CA2: variants seen among roughly 807,000 people sequenced by gnomAD.
The protein encoded by CA2 is carbonic anhydrase 2.
A neutral mutation model predicts 27.8 loss-of-function variants in CA2; 23 were observed. The observed-to-expected ratio is 0.83, with a 90% CI of 0.59 to 1.17. The LOEUF (loss-of-function observed/expected upper bound fraction) is 1.17, where lower values mean the gene tolerates loss of function less well. Among genes scored for constraint, CA2 ranks in the 50% most tolerant of loss-of-function variants. CA2 has a pLI of 0.00. For missense variants in CA2, 300 were observed against 314.7 expected, an observed-to-expected ratio of 0.95 and a Z score of 0.35; for synonymous variants, 99 against 114.9, an observed-to-expected ratio of 0.86 and a Z score of 0.88.
At chr8:85,467,046 TG>T (rs767992408) in intron 2 of CA2, among the ~76,000 whole-genome samples, 12 of 152,210 alleles carry the variant, frequency 7.9e-5, no homozygotes, top group Non-Finnish European at 1.8e-4. Flanking sequence ...TTGTTTTCAA[TG>T]GATGTAATGT....
At chr8:85,476,303 TC>T (rs1209790053) in intron 5 of CA2, among the ~76,000 whole-genome samples, 2 of 152,236 alleles carry the variant, frequency 1.3e-5, no homozygotes, top group Non-Finnish European at 2.9e-5. Context: ...CTCTTTGCAT[TC>T]ATCCATCCTG....
At chr8:85,474,644 A>G in intron 4 of CA2, 2 of 540,482 alleles carry the variant, frequency 3.7e-6, no homozygotes, top group South Asian at 4.1e-5. Context: ...TGTAAATGTG[A>G]AGAACATAAA....
At chr8:85,466,731 C>A (rs1012608908) in intron 2 of CA2, among the ~76,000 whole-genome samples, 1 of 151,922 alleles carries the variant, frequency 6.6e-6, no homozygotes, top group Non-Finnish European at 1.5e-5. Flanking sequence ...CACTTTCTGG[C>A]ATAGTATGAT....
chr8:85,480,148 A>G (rs180720513), intron 6 of CA2, among the ~76,000 whole-genome samples: 108 of 152,350 alleles, frequency 7.1e-4, no homozygotes, highest in Non-Finnish European at 1.5e-3. Context: ...GGTTTGTTAT[A>G]TTAAAGCATA....
intron 6 of CA2, among the ~76,000 whole-genome samples, chr8:85,479,302 T>G (rs1260715221): frequency 6.6e-6 from 1 of 152,212 alleles, no homozygotes; most frequent in East Asian, 1.9e-4. Context: ...TTTGACCTGT[T>G]TACACTTTAT....
intron 2 of CA2, 40 bp downstream of exon 2, chr8:85,465,509 G>A: frequency 6.5e-7 from 1 of 1,531,472 alleles, no homozygotes; most frequent in Non-Finnish European, 9.0e-7. Flanking sequence ...TTAGCCAGTA[G>A]CTGTTTTCCG....
At position 85,477,090 on chromosome 8, in the gene CA2, G is replaced by C. The variant is rs72682972; in HGVS notation, c.508-30G>C. 2.5e-3 allele frequency: 4,058 copies of C among 1,613,094 alleles called. 18 individuals carry two copies. Among genetic ancestry groups the C allele is most frequent in the South Asian group, 0.011 (1,030 of 91,058 alleles). Reference sequence around the variant, plus strand: ...TTCCTCCTACTCTGTCAATGTGATAGTTTGAAGCTGCGTATTTGCCTTGTT... The same window carrying C: ...TTCCTCCTACTCTGTCAATGTGATACTTTGAAGCTGCGTATTTGCCTTGTT... On this transcript the variant is annotated intron_variant, in intron 5 of 6. Transcript: ENST00000285379.
At chr8:85,468,543 G>A (rs950717517) in intron 2 of CA2, among the ~76,000 whole-genome samples, 1 of 152,212 alleles carries the variant, frequency 6.6e-6, no homozygotes, top group Non-Finnish European at 1.5e-5. Context: ...CGGATCACTT[G>A]AGGTCAGAAG....
At chr8:85,477,033 G>T (rs1811811350) in intron 5 of CA2, 87 bp from the exon 6 acceptor site, 3 of 1,266,248 alleles carry the variant, frequency 2.4e-6, no homozygotes, top group East Asian at 2.3e-5. Flanking sequence ...TCAGAGGGGA[G>T]TATACCTATT....
At chr8:85,473,290 G>A in intron 2 of CA2, 1 of 393,402 alleles carries the variant, frequency 2.5e-6, no homozygotes, top group Non-Finnish European at 5.0e-6. Context: ...TTATTGGCCA[G>A]TAGCTGCATG....
chr8:85,473,923 C>T, intron 3 of CA2, 112 bp downstream of exon 3: 1 of 756,592 alleles, frequency 1.3e-6, no homozygotes, highest in Non-Finnish European at 2.4e-6. Context: ...TGAACCACTT[C>T]TTTTACAAAG....
chr8:85,475,954 A>G (rs1018364610), intron 5 of CA2, 94 bp downstream of exon 5: 3 of 942,116 alleles, frequency 3.2e-6, no homozygotes, highest in Non-Finnish European at 5.2e-6. Flanking sequence ...CACAGTCTCA[A>G]TGACATGTGG....
At chr8:85,467,578 G>A (rs1811648382) in intron 2 of CA2, among the ~76,000 whole-genome samples, 1 of 152,110 alleles carries the variant, frequency 6.6e-6, no homozygotes, top group South Asian at 2.1e-4. Context: ...TTCTTTAACA[G>A]CTTTAAGATT....
chr8:85,473,899 C>T, intron 3 of CA2, 88 bp downstream of exon 3: 1 of 837,746 alleles, frequency 1.2e-6, no homozygotes, highest in South Asian at 1.4e-5. Context: ...TTTGTAAATT[C>T]AACTCACGCC....
Position 85,477,357 on chromosome 8 carries a change from A to C in CA2, c.663+82A>C, listed in dbSNP as rs6605618. The C allele has an allele frequency of 0.86, 1,272,972 of 1,482,604 alleles. 547,903 individuals are homozygous for C. Among genetic ancestry groups the C allele is most frequent in the East Asian group, 1 (44,120 of 44,234 alleles). 91.8% of individuals were successfully genotyped at this position (1,482,604 alleles called of 1,614,324 possible). On this transcript the variant is annotated intron_variant, in intron 6 of 6. Transcript: ENST00000285379. Reference sequence around the variant, plus strand: ...ACCTTGGCCTCCAGAGTGAGAGAGAACTGAGATTTAATCCTTCTCCTGCTA... The same window carrying C: ...ACCTTGGCCTCCAGAGTGAGAGAGACCTGAGATTTAATCCTTCTCCTGCTA...
intron 2 of CA2, among the ~76,000 whole-genome samples, chr8:85,470,384 T>C (rs1238248546): frequency 2.0e-5 from 3 of 152,186 alleles, no homozygotes; most frequent in Non-Finnish European, 4.4e-5. Context: ...GTAGAATTAA[T>C]CTTTTGCTTT....
At chr8:85,468,759 AAAACAAAC>A (rs1197729980) in intron 2 of CA2, among the ~76,000 whole-genome samples, 1 of 151,324 alleles carries the variant, frequency 6.6e-6, no homozygotes, top group Non-Finnish European at 1.5e-5. Context: ...ACTCCATCTC[AAAACAAAC>A]AAACAAACAA....
At chr8:85,470,692 A>C (rs1444350199) in intron 2 of CA2, among the ~76,000 whole-genome samples, 5 of 152,180 alleles carry the variant, frequency 3.3e-5, no homozygotes, top group Non-Finnish European at 7.4e-5. Flanking sequence ...AGATTATTCT[A>C]TAACATTATA....
At chr8:85,465,139 AATTT>A in intron 1 of CA2, 129 bp from the exon 2 acceptor site, 1 of 680,024 alleles carries the variant, frequency 1.5e-6, no homozygotes, top group Non-Finnish European at 2.6e-6. Context: ...GTTTTCCCAA[AATTT>A]AGCCCATTGT....
Sources: allele counts gnomAD v4.1 joint callset (sites outside exome capture counted in the v4.1 genomes callset), GRCh38; gene constraint gnomAD v4.1.1; transcripts MANE v1.5; gene names NCBI Gene and HGNC (gene_info 2026-07-23, HGNC 2026-07-21).